The following SDK2 variants were observed in gnomAD, a reference collection of about 807,000 sequenced individuals.
SDK2 encodes the protein protein sidekick-2.
Under a neutral mutation model 253.9 loss-of-function variants are expected in SDK2, and 105 were observed. The ratio of observed to expected loss-of-function variants is 0.41; its 90% CI spans 0.35 to 0.49. SDK2 has a LOEUF of 0.49. Ranked by LOEUF, SDK2 falls within the 20% of genes least tolerant of loss-of-function variation. The pLI is 0.06. For synonymous variants in SDK2, 1,249 were observed against 1,234.9 expected, an observed-to-expected ratio of 1.01 and a Z score of -0.24; for missense variants, 2,608 against 3,003.0, an observed-to-expected ratio of 0.87 and a Z score of 3.07.
chr17:73,562,826 G>A (rs975694663), intron 1 of SDK2, among the ~76,000 whole-genome samples: 6 of 152,256 alleles, frequency 3.9e-5, no homozygotes, highest in Non-Finnish European at 4.4e-5. Flanking sequence ...TTACTAAGAC[G>A]TGCTAACTCA....
rs1023820901 is a variant in SDK2, at chr17:73,431,976, C to T, written c.1313-307G>A. On this transcript the variant is annotated intron_variant, in intron 10 of 44. Coordinates refer to ENST00000392650, the MANE Select transcript of SDK2 (RefSeq NM_001144952.2). The surrounding 1 kb of genome is among the most constrained non-coding windows in gnomAD (Gnocchi z 5.6). ...AGAAGGGGGCGCAGTTTCCTGATGA[C>T]GGTGAGCAGTAGCCCGGCACAGCCC... Among the ~76,000 whole-genome samples the T allele has an allele frequency of 7.2e-5, 11 of 152,246 alleles. No homozygotes were observed. The highest frequency in any genetic ancestry group is 1.2e-4 in the African/African-American group (5 of 41,564).
chr17:73,414,904 G>T, intron 17 of SDK2, 145 bp from the exon 18 acceptor site: 1 of 601,106 alleles, frequency 1.7e-6, no homozygotes, highest in Non-Finnish European at 3.0e-6. Flanking sequence ...TCGCTGTGTA[G>T]ACTTAAGAGG....
In SDK2 at chr17:73,465,103, G is replaced by A. The variant is rs1192786704; in HGVS notation, c.331+7009C>T. ...TCAGGAACTGTCACTTGGCCCCTAA[G>A]CATCCTGCATTCAATACCCACACCT... On this transcript the variant is annotated intron_variant, in intron 3 of 44. Coordinates refer to ENST00000392650, the MANE Select transcript of SDK2 (RefSeq NM_001144952.2). This position sits in a 1 kb window ranked among gnomAD's most constrained non-coding sequence, Gnocchi z 4.2. Among the ~76,000 whole-genome samples, 1 of 152,122 alleles carries A rather than the reference G, an allele frequency of 6.6e-6. No individual in the cohort carries two copies. Among genetic ancestry groups the A allele is most frequent in the Non-Finnish European group, 1.5e-5 (1 of 68,028 alleles).
chr17:73,435,843 T>G lies in SDK2; in HGVS notation c.1001-199A>C, dbSNP rs2063364226. Among the ~76,000 whole-genome samples the G allele has an allele frequency of 6.6e-6, 1 of 152,186 alleles. No individual in the cohort carries two copies. The highest frequency in any genetic ancestry group is 2.1e-4 in the South Asian group (1 of 4,828). On this transcript the variant is annotated intron_variant, in intron 8 of 44. Coordinates refer to ENST00000392650, the MANE Select transcript of SDK2 (RefSeq NM_001144952.2). This position sits in a 1 kb window ranked among gnomAD's most constrained non-coding sequence, Gnocchi z 5.7. ...TCTTTGAGTGGTAATTCTCAAAGTC[T>G]TTGGGACAGAGTAAAGATCCGGGAA... is the stretch of plus-strand genomic sequence containing the variant.
At chr17:73,536,824 A>G (rs2044781771) in intron 1 of SDK2, among the ~76,000 whole-genome samples, 1 of 152,134 alleles carries the variant, frequency 6.6e-6, no homozygotes, top group South Asian at 2.1e-4. Context: ...AGGAGACTGT[A>G]GCCCCGCCTC....
intron 12 of SDK2, among the ~76,000 whole-genome samples, chr17:73,427,636 C>A: frequency 1.1e-5 from 1 of 91,140 alleles, no homozygotes; most frequent in Admixed American, 1.2e-4. Context: ...CCTTGACATC[C>A]ACATGCAAAA....
chr17:73,432,971 G>C (rs1299113883), intron 10 of SDK2, among the ~76,000 whole-genome samples: 1 of 152,110 alleles, frequency 6.6e-6, no homozygotes, highest in South Asian at 2.1e-4. Context: ...AGGTGGCTTG[G>C]GCTTTGCTGG....
intron 1 of SDK2, among the ~76,000 whole-genome samples, chr17:73,548,961 T>C (rs2045011352): frequency 1.3e-5 from 2 of 152,160 alleles, no homozygotes; most frequent in South Asian, 4.1e-4. Flanking sequence ...TCTCTCCTTC[T>C]CAGCACCACT....
rs747100105 is a variant in SDK2 at position 73,338,544 on chromosome 17, G to A, written c.*43C>T. 6.0e-6 allele frequency: 7 copies of A among 1,172,608 alleles called. No individual in the cohort carries two copies. In the South Asian group the frequency reaches 8.8e-5, roughly 15 times the overall value. The allele number at this position is 1,172,608 out of a possible 1,614,324, so 72.6% of individuals were successfully genotyped here. A position where few individuals can be genotyped will look rare whatever the true frequency, so the allele number is the denominator to read the frequency against. ...GGCAGTGAGAGGAGGGGTGAAGGAG[G>A]AGTTTGGTGCCATTTCTCTTTCTGC... On this transcript the variant is annotated 3_prime_UTR_variant, in exon 45 of 45. Transcript: ENST00000392650. The surrounding 1 kb of genome is among the most constrained non-coding windows in gnomAD (Gnocchi z 5.0).
intron 29 of SDK2, among the ~76,000 whole-genome samples, chr17:73,390,079 A>C (rs1372733176): frequency 6.6e-6 from 1 of 152,218 alleles, no homozygotes; most frequent in African/African-American, 2.4e-5. Flanking sequence ...ACCAGACCAG[A>C]GTAGGGTCCT....
intron 18 of SDK2, among the ~76,000 whole-genome samples, chr17:73,404,301 G>C (rs978634736): frequency 6.6e-6 from 1 of 152,168 alleles, no homozygotes; most frequent in Admixed American, 6.5e-5. Context: ...AGAGGAGGAG[G>C]CTTGGGGATA....
intron 1 of SDK2, among the ~76,000 whole-genome samples, chr17:73,597,654 T>C (rs2045778679): frequency 6.6e-6 from 1 of 151,480 alleles, no homozygotes; most frequent in Non-Finnish European, 1.5e-5. Flanking sequence ...CTTTTCTTTT[T>C]TTTTTTTTTG....
At chr17:73,531,967 C>T (rs574294518) in intron 1 of SDK2, among the ~76,000 whole-genome samples, 42 of 152,284 alleles carry the variant, frequency 2.8e-4, no homozygotes, top group Non-Finnish European at 4.7e-4. Context: ...CTGTACCTAT[C>T]GGCGCCTTCT....
chr17:73,591,095 C>G (rs2045675783), intron 1 of SDK2, among the ~76,000 whole-genome samples: 1 of 151,994 alleles, frequency 6.6e-6, no homozygotes, highest in Non-Finnish European at 1.5e-5. Context: ...AATTTTTGTA[C>G]TTTTAGTAGA....
chr17:73,414,823 A>G, intron 17 of SDK2, 64 bp from the exon 18 acceptor site: 4 of 1,063,162 alleles, frequency 3.8e-6, no homozygotes, highest in Non-Finnish European at 5.8e-6. Flanking sequence ...TGCCCAGTTC[A>G]GTAGAGAAAA....
At chr17:73,355,973 C>T (rs1353738845) in intron 40 of SDK2, among the ~76,000 whole-genome samples, 9 of 152,184 alleles carry the variant, frequency 5.9e-5, no homozygotes, top group East Asian at 1.9e-4. Context: ...CTGGCACTTA[C>T]GCCTCTGTCA....
chr17:73,557,581 G>T (rs1199217198), intron 1 of SDK2, among the ~76,000 whole-genome samples: 3 of 152,110 alleles, frequency 2.0e-5, no homozygotes, highest in African/African-American at 7.2e-5. Flanking sequence ...AGGATTACAG[G>T]CATGAGCCAC....
chr17:73,595,289 G>A (rs1287399897), intron 1 of SDK2, among the ~76,000 whole-genome samples: 117 of 152,302 alleles, frequency 7.7e-4, no homozygotes, highest in Non-Finnish European at 4.4e-5. Flanking sequence ...CTGTGTCGGA[G>A]AGACAGAGAA....
Position 73,441,526 on chromosome 17 carries a change from C to A in SDK2, c.614-603G>T, listed in dbSNP as rs553378350. Reference sequence around the variant, plus strand: ...GAAGAGGGAAATTGAGACACAGATGCACAGCCTGGAAGACTCTGTGAAGAC... The same window carrying A: ...GAAGAGGGAAATTGAGACACAGATGAACAGCCTGGAAGACTCTGTGAAGAC... On this transcript the variant is annotated intron_variant, in intron 5 of 44. Transcript: ENST00000392650. Among the ~76,000 whole-genome samples, 77 of 152,278 alleles carry A rather than the reference C, an allele frequency of 5.1e-4. 1 individual carries two copies. Among genetic ancestry groups the A allele is most frequent in the Non-Finnish European group, 3.5e-4 (24 of 68,020 alleles).
Sources: gnomAD v4.1 joint callset for allele counts (sites outside exome capture counted in the v4.1 genomes callset) on GRCh38, gnomAD v4.1.1 for gene constraint, Gnocchi (gnomAD v3.1) non-coding constraint, MANE v1.5 for transcripts, NCBI Gene and HGNC (gene_info 2026-07-23, HGNC 2026-07-21) for gene names.